Variants in CARF observed in about 807,000 individuals in gnomAD.
CARF encodes the protein calcium-responsive transcription factor.
Under a neutral mutation model 82.0 loss-of-function variants are expected in CARF, and 57 were observed. That is an observed-to-expected ratio of 0.70 (90% CI 0.56 to 0.87). The LOEUF is 0.87. Ranked by LOEUF, CARF falls within the 40% of genes least tolerant of loss-of-function variation. CARF has a pLI of 0.00. For synonymous variants in CARF, 268 were observed against 290.1 expected (o/e 0.92, Z 0.77); for missense variants, 771 against 855.8 (o/e 0.90, Z 1.24).
intron 13 of CARF, among the ~76,000 whole-genome samples, chr2:202,976,088 CATA>C (rs1553575424): frequency 7.2e-5 from 11 of 151,956 alleles, no homozygotes; most frequent in South Asian, 2.1e-4. Context: ...TCCATCCATA[CATA>C]CATACATACA....
At chr2:202,938,587 T>A (rs908779517) in intron 3 of CARF, among the ~76,000 whole-genome samples, 1 of 148,318 alleles carries the variant, frequency 6.7e-6, no homozygotes, top group African/African-American at 2.5e-5. Flanking sequence ...AGTTTTTTTT[T>A]AATCTTAAAG....
In CARF at chr2:202,924,379, G is replaced by C. The variant is rs1171843907; in HGVS notation, c.-80G>C. ...TAGAAGTTTTATCATTTGATAGTCTGTGATCCATTTCAAGTTGATTTGCTA... is the reference window on the plus strand; with the variant it reads ...TAGAAGTTTTATCATTTGATAGTCTCTGATCCATTTCAAGTTGATTTGCTA... On this transcript the variant is annotated 5_prime_UTR_variant, in exon 3 of 17. Transcript: ENST00000438828. 1 of 152,150 alleles carries C rather than the reference G, an allele frequency of 6.6e-6. No individual in the cohort carries two copies. The highest frequency in any genetic ancestry group is 2.4e-5 in the African/African-American group (1 of 41,446). 9.4% of individuals were successfully genotyped at this position (152,150 alleles called of 1,614,324 possible).
At chr2:202,942,615 G>A (rs1313208102) in intron 4 of CARF, 125 bp from the exon 5 acceptor site, 9 of 1,006,304 alleles carry the variant, frequency 8.9e-6, no homozygotes, top group Non-Finnish European at 1.3e-5. Context: ...AGCAATTTGT[G>A]TGAATTGACA....
intron 3 of CARF, among the ~76,000 whole-genome samples, chr2:202,937,716 T>C (rs933343467): frequency 3.9e-5 from 6 of 151,916 alleles, no homozygotes; most frequent in African/African-American, 1.4e-4. Context: ...CCTGCGTCTC[T>C]TGGGTTCAAA....
chr2:202,915,690 A>G (rs1365354466), intron 1 of CARF, among the ~76,000 whole-genome samples: 2 of 151,758 alleles, frequency 1.3e-5, no homozygotes, highest in Non-Finnish European at 2.9e-5. Context: ...GGATGGTCTC[A>G]ATCTCCTGAC....
chr2:202,961,259 G>A lies in CARF; in HGVS notation c.665G>A (p.Gly222Asp). Residue 222 changes from glycine (G) to aspartate (D), a missense_variant, in exon 9 of 17, where the codon GGC (glycine) becomes GAC (aspartate). Gly to Asp is a moderately conservative substitution (Grantham distance 94). Coordinates refer to ENST00000438828, the MANE Select transcript of CARF (RefSeq NM_024744.17). ...SCEKIGDSYRGYCVSETELES... is the reference protein window; with the variant it reads ...SCEKIGDSYRDYCVSETELES... ...CAGAAAATTGGAGATTCATACCGTG[G>A]CTACTGTGTAAGTGAGACTGAATTA... is the stretch of plus-strand genomic sequence containing the variant. 5 of 1,609,786 alleles carry A rather than the reference G, an allele frequency of 3.1e-6. No homozygotes were observed. Among genetic ancestry groups the A allele is most frequent in the Non-Finnish European group, 4.2e-6 (5 of 1,177,374 alleles).
chr2:202,945,732 T>C (rs2058467066), intron 5 of CARF, among the ~76,000 whole-genome samples: 1 of 152,220 alleles, frequency 6.6e-6, no homozygotes, highest in Non-Finnish European at 1.5e-5. Flanking sequence ...TTTAGGTTGA[T>C]CCATTTATTT....
intron 2 of CARF, among the ~76,000 whole-genome samples, chr2:202,919,022 TCCCCA>T (rs773973287): frequency 1.3e-5 from 2 of 152,166 alleles, no homozygotes; most frequent in Non-Finnish European, 2.9e-5. Flanking sequence ...GTCAACATAC[TCCCCA>T]CCCCTTAACT....
chr2:202,980,617 TATATATATA>T (rs1305300465), intron 14 of CARF, among the ~76,000 whole-genome samples: 4 of 30,644 alleles, frequency 1.3e-4, no homozygotes, highest in African/African-American at 2.1e-4. Context: ...GTCTTTCAAG[TATATATATA>T]TATATATATA....
At position 202,982,321 on chromosome 2, in the gene CARF, G is replaced by C; in HGVS notation, c.1939G>C (p.Glu647Gln). ...EPDQNLVAMD[E>Q]LVEVGDVEDT... ...AGATCAAAATCTAGTTGCAATGGAC[G>C]AGCTGGTAGAAGTTGGAGATGTTGA... is the stretch of plus-strand genomic sequence containing the variant. Residue 647 changes from glutamate to glutamine, a missense_variant, in exon 16 of 17, where the codon GAG (glutamate) becomes CAG (glutamine). By Grantham distance (29) the Glu-to-Gln change is conservative. Transcript: ENST00000438828. The C allele has an allele frequency of 6.2e-7, 1 of 1,614,150 alleles. No homozygotes were observed. Among genetic ancestry groups the C allele is most frequent in the Non-Finnish European group, 8.5e-7 (1 of 1,180,006 alleles).
At chr2:202,919,190 T>C (rs1017882448) in intron 2 of CARF, among the ~76,000 whole-genome samples, 7 of 152,162 alleles carry the variant, frequency 4.6e-5, no homozygotes, top group Non-Finnish European at 1.0e-4. Flanking sequence ...TAGCTCTTTT[T>C]AACTCGTTTT....
chr2:202,931,432 G>A (rs1189275051), intron 3 of CARF, among the ~76,000 whole-genome samples: 1 of 152,200 alleles, frequency 6.6e-6, no homozygotes, highest in Non-Finnish European at 1.5e-5. Context: ...GCAGTCAAAA[G>A]TTATACACAC....
At chr2:202,956,807 G>T (rs2059065708) in intron 8 of CARF, among the ~76,000 whole-genome samples, 3 of 151,192 alleles carry the variant, frequency 2.0e-5, no homozygotes, top group Non-Finnish European at 2.9e-5. Flanking sequence ...TTATTTTTTT[G>T]AGATGGAGTC....
At chr2:202,922,457 A>G (rs1165715523) in intron 2 of CARF, among the ~76,000 whole-genome samples, 1 of 152,106 alleles carries the variant, frequency 6.6e-6, no homozygotes, top group East Asian at 1.9e-4. Context: ...CTCATCTTTA[A>G]TATAGTACTG....
intron 11 of CARF, among the ~76,000 whole-genome samples, chr2:202,970,367 T>C (rs1484039235): frequency 6.6e-5 from 10 of 152,236 alleles, no homozygotes; most frequent in Non-Finnish European, 1.5e-5. Flanking sequence ...TAATACACTT[T>C]ATTATATATT....
At chr2:202,963,491 C>T (rs1268883629) in intron 9 of CARF, among the ~76,000 whole-genome samples, 1 of 152,036 alleles carries the variant, frequency 6.6e-6, no homozygotes, top group Non-Finnish European at 1.5e-5. Context: ...ATTTTTGGCA[C>T]CAGGGACTGG....
At chr2:202,953,498 G>GTTTTTTT (rs67855316) in intron 6 of CARF, among the ~76,000 whole-genome samples, 725 of 70,274 alleles carry the variant, frequency 0.01, 33 homozygotes, top group Middle Eastern at 0.02. Context: ...TTTTTTTGTT[G>GTTTTTTT]TTTTTTTTTT....
chr2:202,963,722 G>GT (rs1360500873), intron 9 of CARF, among the ~76,000 whole-genome samples: 4 of 152,200 alleles, frequency 2.6e-5, no homozygotes, highest in Non-Finnish European at 4.4e-5. Flanking sequence ...ATCGGAGACA[G>GT]TGAGAGATCA....
chr2:202,965,987 A>G (rs1031666247), intron 9 of CARF, among the ~76,000 whole-genome samples: 3 of 152,156 alleles, frequency 2.0e-5, no homozygotes, highest in African/African-American at 7.2e-5. Context: ...GGGAGGGTCT[A>G]CTTTCAGATT....
Sources: gnomAD v4.1 joint callset for allele counts (sites outside exome capture counted in the v4.1 genomes callset) on GRCh38, gnomAD v4.1.1 for gene constraint, MANE v1.5 for transcripts, NCBI Gene and HGNC (gene_info 2026-07-23, HGNC 2026-07-21) for gene names.